DNAH14: variants seen among roughly 807,000 people sequenced by gnomAD.
The protein encoded by DNAH14 is axonemal beta dynein heavy chain 14.
Under a neutral mutation model 520.9 loss-of-function variants are expected in DNAH14, and 478 were observed. That is an observed-to-expected ratio of 0.92 (90% CI 0.85 to 0.99). The LOEUF (loss-of-function observed/expected upper bound fraction) is 0.99, where lower values mean the gene tolerates loss of function less well. Ranked by LOEUF, DNAH14 falls within the 50% of genes least tolerant of loss-of-function variation. The probability of loss-of-function intolerance (pLI) is 0.00; values close to 1 mark genes in which losing one functional copy is unlikely to be tolerated. For synonymous variants in DNAH14, 1,581 were observed against 1,757.2 expected (o/e 0.90, Z 2.51); for missense variants, 4,831 against 5,234.5 (o/e 0.92, Z 2.38).
chr1:224,955,175 A>G, intron 3 of DNAH14, 77 bp downstream of exon 3: 2 of 1,456,328 alleles, frequency 1.4e-6, no homozygotes, highest in Non-Finnish European at 1.9e-6. Flanking sequence ...TTTTCATAGC[A>G]TTAAATTAAG....
intron 55 of DNAH14, among the ~76,000 whole-genome samples, chr1:225,293,890 G>T (rs1036090750): frequency 3.9e-5 from 6 of 152,036 alleles, no homozygotes; most frequent in Non-Finnish European, 8.8e-5. Context: ...CTGGAAATGG[G>T]CAATTTGACT....
chr1:225,359,492 A>G (rs953357363), intron 74 of DNAH14, among the ~76,000 whole-genome samples: 19 of 152,198 alleles, frequency 1.2e-4, no homozygotes, highest in African/African-American at 4.6e-4. Flanking sequence ...CCGAAGTAAA[A>G]TATTTTCTCC....
chr1:225,285,672 C>T (rs1450121315), intron 54 of DNAH14, among the ~76,000 whole-genome samples: 1 of 152,064 alleles, frequency 6.6e-6, no homozygotes, highest in Non-Finnish European at 1.5e-5. Context: ...GCCTGGGCCA[C>T]ATAATGAGAC....
At chr1:225,204,368 C>A in intron 39 of DNAH14, 95 bp downstream of exon 39, 1 of 740,976 alleles carries the variant, frequency 1.3e-6, no homozygotes, top group South Asian at 2.2e-5. Flanking sequence ...TGTTTTTTGA[C>A]TGGTAATATT....
At chr1:225,101,813 A>G (rs952301437) in intron 23 of DNAH14, among the ~76,000 whole-genome samples, 16 of 152,130 alleles carry the variant, frequency 1.1e-4, no homozygotes, top group Non-Finnish European at 2.1e-4. Flanking sequence ...TAGTGCTTCA[A>G]TAAACACAGA....
intron 62 of DNAH14, among the ~76,000 whole-genome samples, 181 bp from the exon 63 acceptor site, chr1:225,324,041 C>G (rs538539839): frequency 6.6e-6 from 1 of 152,264 alleles, no homozygotes; most frequent in East Asian, 1.9e-4. Context: ...GTCTCGAACT[C>G]CTGACCTCTG....
intron 3 of DNAH14, 61 bp downstream of exon 3, chr1:224,955,159 A>C: frequency 6.5e-7 from 1 of 1,538,040 alleles, no homozygotes. Flanking sequence ...GGAAATTGAA[A>C]GAAATTTTTC....
chr1:225,357,906 G>A (rs996365982), intron 73 of DNAH14: 4 of 695,846 alleles, frequency 5.7e-6, no homozygotes, highest in Admixed American at 4.1e-5. Context: ...TTATGGGAAA[G>A]GTCTTTCCTC....
chr1:225,399,198 T>C lies in DNAH14; in HGVS notation c.13783T>C (p.Ser4595Pro), dbSNP rs1317824572. Residue 4595 changes from serine to proline, a missense_variant, in exon 86 of 86, where the codon TCA becomes CCA. Transcript: ENST00000682510. Reference sequence around the variant, plus strand: ...AAACTTTTTAACATCAGTGTATTTATCAACGAAGAAACCTCCTAGTCACTG... The same window carrying C: ...AAACTTTTTAACATCAGTGTATTTACCAACGAAGAAACCTCCTAGTCACTG... ...PTNFLTSVYL[S>P]TKKPPSHWIT... 3.9e-6 allele frequency: 6 copies of C among 1,551,750 alleles called. 1 individual carries two copies. Among genetic ancestry groups the C allele is most frequent in the South Asian group, 2.4e-5 (2 of 84,056 alleles).
intron 41 of DNAH14, among the ~76,000 whole-genome samples, chr1:225,220,144 G>A (rs140740136): frequency 0.026 from 4,029 of 152,232 alleles, 163 homozygotes; most frequent in African/African-American, 0.08. Flanking sequence ...ACTAGATATT[G>A]ATAGAACATA....
intron 53 of DNAH14, among the ~76,000 whole-genome samples, chr1:225,276,943 AAGG>A (rs2093482872): frequency 7.3e-5 from 1 of 13,768 alleles, no homozygotes; most frequent in African/African-American, 2.3e-4. Flanking sequence ...GAAGAAGAAA[AAGG>A]AAGGAAGGAA....
intron 17 of DNAH14, among the ~76,000 whole-genome samples, chr1:225,059,226 G>T (rs1370720661): frequency 1.1e-4 from 17 of 152,148 alleles, no homozygotes; most frequent in African/African-American, 2.9e-4. Flanking sequence ...TGGCTGCATA[G>T]ATATTTAGGA....
chr1:225,225,745 G>A (rs1256233677), intron 41 of DNAH14, among the ~76,000 whole-genome samples: 1 of 152,142 alleles, frequency 6.6e-6, no homozygotes, highest in African/African-American at 2.4e-5. Context: ...AAATATTAAT[G>A]TATGGTGTGG....
intron 17 of DNAH14, among the ~76,000 whole-genome samples, chr1:225,074,162 G>A (rs2148513160): frequency 6.6e-6 from 1 of 151,438 alleles, no homozygotes; most frequent in South Asian, 2.1e-4. Context: ...ACTACGCCCG[G>A]CTAATTTTTT....
chr1:225,023,493 T>G (rs967659624), intron 10 of DNAH14, 122 bp from the exon 11 acceptor site: 2 of 739,624 alleles, frequency 2.7e-6, no homozygotes, highest in Non-Finnish European at 4.1e-6. Context: ...GCTTGAGGTA[T>G]TAAAATATCA....
At chr1:225,385,708 C>A (rs1007362342) in intron 81 of DNAH14, among the ~76,000 whole-genome samples, 1 of 152,118 alleles carries the variant, frequency 6.6e-6, no homozygotes, top group Non-Finnish European at 1.5e-5. Flanking sequence ...AACTACAAAC[C>A]ACTGCTCAAC....
chr1:225,094,656 C>CAAAAAAAAAAAAAAA (rs760828776), intron 21 of DNAH14, among the ~76,000 whole-genome samples: 35 of 77,844 alleles, frequency 4.5e-4, no homozygotes, highest in East Asian at 1.3e-3. Context: ...TTCTGCACAG[C>CAAAAAAAAAAAAAAA]AAAAAAAAAA....
chr1:224,933,265 T>G (rs2058811924), intron 1 of DNAH14, among the ~76,000 whole-genome samples: 1 of 152,144 alleles, frequency 6.6e-6, no homozygotes, highest in South Asian at 2.1e-4. Flanking sequence ...CTGATTTTTG[T>G]ACATTGATTT....
intron 81 of DNAH14, among the ~76,000 whole-genome samples, chr1:225,386,209 C>T (rs1224123464): frequency 6.6e-6 from 1 of 152,166 alleles, no homozygotes; most frequent in African/African-American, 2.4e-5. Context: ...CCCTTCCTTA[C>T]ACCTGGTATA....
Sources: gnomAD v4.1 joint callset for allele counts (sites outside exome capture counted in the v4.1 genomes callset) on GRCh38, gnomAD v4.1.1 for gene constraint, MANE v1.5 for transcripts, NCBI Gene and HGNC (gene_info 2026-07-23, HGNC 2026-07-21) for gene names.